The following ARHGEF26 variants were observed in gnomAD, a reference collection of about 807,000 sequenced individuals.
ARHGEF26 encodes the protein Rho guanine nucleotide exchange factor 26, also known as Rho guanine nucleotide exchange factor (GEF) 26.
In ARHGEF26, 59 loss-of-function variants were observed where a neutral mutation model predicts 89.4. The observed-to-expected ratio is 0.66, with a 90% CI of 0.54 to 0.82. ARHGEF26 has a LOEUF of 0.82. ARHGEF26 is among the 40% of genes least tolerant of loss of function. The pLI, the probability that ARHGEF26 is intolerant of heterozygous loss-of-function variation, is 0.00. For synonymous variants in ARHGEF26, 500 were observed against 428.4 expected, an observed-to-expected ratio of 1.17 and a Z score of -2.06; for missense variants, 1,234 against 1,085.6, an observed-to-expected ratio of 1.14 and a Z score of -1.92.
intron 9 of ARHGEF26, among the ~76,000 whole-genome samples, chr3:154,201,030 T>C (rs1172013973): frequency 1.3e-5 from 2 of 152,154 alleles, no homozygotes; most frequent in Non-Finnish European, 2.9e-5. Flanking sequence ...CTTTAAGTTT[T>C]AGGGTACATG....
chr3:154,161,180 CATAGT>C (rs1338098124), intron 6 of ARHGEF26, among the ~76,000 whole-genome samples: 2 of 151,228 alleles, frequency 1.3e-5, no homozygotes, highest in African/African-American at 2.4e-5. Flanking sequence ...TAGTGATTGG[CATAGT>C]ATAGGTTAAG....
chr3:154,128,483 C>T (rs1718470336), intron 3 of ARHGEF26, among the ~76,000 whole-genome samples: 2 of 152,150 alleles, frequency 1.3e-5, no homozygotes, highest in African/African-American at 2.4e-5. Context: ...AAGTGATCTG[C>T]CCATGTCAGC....
In ARHGEF26 at chr3:154,122,827, C is replaced by G. The variant is rs780886958; in HGVS notation, c.835C>G (p.Arg279Gly). Residue 279 changes from arginine (R) to glycine (G), a missense_variant, in exon 2 of 15, where the codon CGC becomes GGC. Transcript: ENST00000465093. ...VEPHKRLLKV[R>G]SMVEGLGGPL... is the part of the protein sequence containing the mutation. ...GCCCCACAAGAGACTCCTCAAGGTG[C>G]GCAGCATGGTGGAGGGCCTAGGAGG... The G allele has an allele frequency of 3.1e-6, 5 of 1,612,678 alleles. No homozygotes were observed. In the South Asian group the frequency reaches 4.4e-5, roughly 14 times the overall value.
chr3:154,236,214 G>C (rs533270793), intron 11 of ARHGEF26, among the ~76,000 whole-genome samples: 1 of 152,234 alleles, frequency 6.6e-6, no homozygotes, highest in Admixed American at 6.5e-5. Flanking sequence ...TCTACTAGTA[G>C]TTCTTTATTT....
chr3:154,140,694 C>T (rs780159853), intron 4 of ARHGEF26, among the ~76,000 whole-genome samples: 1 of 151,090 alleles, frequency 6.6e-6, no homozygotes, highest in Admixed American at 6.6e-5. Context: ...GATTCTTCTG[C>T]CTCAGCCTCC....
In ARHGEF26 at chr3:154,240,487, A is replaced by T. The variant is rs766033181; in HGVS notation, c.2208A>T (p.Ser736=). 6.2e-7 allele frequency: 1 copy of T among 1,613,362 alleles called. No homozygotes were observed. Among genetic ancestry groups the T allele is most frequent in the South Asian group, 1.1e-5 (1 of 90,920 alleles). The change falls in exon 12 of 15, where the codon TCA becomes TCT. Residue 736 remains serine, a synonymous_variant. Coordinates refer to ENST00000465093, the MANE Select transcript of ARHGEF26 (RefSeq NM_015595.4). ...AGAACAGCTCCACAATGCTCTATTC[A>T]AGACAGAGCTCTGCCAGTCACCTCT... ...PGKNSSTMLY[S]RQSSASHLFT...
At chr3:154,211,804 A>T (rs1715377010) in intron 9 of ARHGEF26, among the ~76,000 whole-genome samples, 2 of 152,208 alleles carry the variant, frequency 1.3e-5, no homozygotes, top group Non-Finnish European at 2.9e-5. Flanking sequence ...ATTAAGTTGC[A>T]GAACAATATA....
chr3:154,241,618 A>G (rs934945416), intron 12 of ARHGEF26, among the ~76,000 whole-genome samples: 1 of 152,252 alleles, frequency 6.6e-6, no homozygotes, highest in Non-Finnish European at 1.5e-5. Flanking sequence ...CGTAAGGACC[A>G]TTGCAGCAAC....
Position 154,164,490 on chromosome 3 carries a change from T to G in ARHGEF26, c.1487+11558T>G, listed in dbSNP as rs186504948. On this transcript the variant is annotated intron_variant, in intron 6 of 14. Transcript: ENST00000465093. ...GTTTCCTTTGGATTTCAAAAAGGTT[T>G]CGGGAAATGACTTGGACTTTGAAAA... Among the ~76,000 whole-genome samples, 5 of 152,190 alleles carry G rather than the reference T, an allele frequency of 3.3e-5. No homozygotes were observed. In the East Asian group the frequency reaches 9.7e-4, roughly 29 times the overall value.
intron 6 of ARHGEF26, among the ~76,000 whole-genome samples, chr3:154,156,699 G>A (rs1173739664): frequency 1.3e-5 from 2 of 152,162 alleles, no homozygotes; most frequent in African/African-American, 4.8e-5. Context: ...ATTTCATGAT[G>A]TAAGGCCTGC....
At chr3:154,216,453 T>G (rs1715727903) in intron 9 of ARHGEF26, among the ~76,000 whole-genome samples, 1 of 150,672 alleles carries the variant, frequency 6.6e-6, no homozygotes, top group Non-Finnish European at 1.5e-5. Flanking sequence ...TAGGCTCCCC[T>G]GCAAGACTTC....
chr3:154,240,993 C>T (rs1012151380), intron 12 of ARHGEF26, among the ~76,000 whole-genome samples: 5 of 152,314 alleles, frequency 3.3e-5, no homozygotes, highest in South Asian at 2.1e-4. Context: ...TACCTTCAAC[C>T]AGAGAGCAGA....
intron 9 of ARHGEF26, among the ~76,000 whole-genome samples, chr3:154,205,891 C>T (rs1371438806): frequency 1.3e-5 from 2 of 152,116 alleles, no homozygotes; most frequent in Non-Finnish European, 2.9e-5. Flanking sequence ...TAATCATTTA[C>T]TCTTCTACTT....
chr3:154,130,180 T>C (rs144154931), intron 4 of ARHGEF26, among the ~76,000 whole-genome samples: 1,153 of 108,542 alleles, frequency 0.011, 15 homozygotes, highest in African/African-American at 0.042. Flanking sequence ...GAGGTCTTGC[T>C]CTGTCGCCCA....
At chr3:154,161,528 G>A (rs1332852193) in intron 6 of ARHGEF26, among the ~76,000 whole-genome samples, 1 of 152,122 alleles carries the variant, frequency 6.6e-6, no homozygotes, top group Non-Finnish European at 1.5e-5. Flanking sequence ...TATCATCTAT[G>A]TCTGGTATTC....
intron 3 of ARHGEF26, among the ~76,000 whole-genome samples, chr3:154,125,336 G>T (rs1718264766): frequency 6.6e-6 from 1 of 152,124 alleles, no homozygotes; most frequent in East Asian, 1.9e-4. Context: ...ATTTATAAAT[G>T]ACTTATCTAT....
At chr3:154,121,389 C>A (rs1717891316), upstream of ARHGEF26, 1 of 151,058 alleles carries the variant, frequency 6.6e-6, no homozygotes, top group South Asian at 2.1e-4. Context: ...GGCGTGGGGG[C>A]GGGCCGGCGC....
intron 7 of ARHGEF26, among the ~76,000 whole-genome samples, chr3:154,189,625 C>G (rs752022150): frequency 6.6e-5 from 10 of 152,124 alleles, no homozygotes; most frequent in African/African-American, 9.7e-5. Flanking sequence ...GCGTAAGCCA[C>G]TGCGCCCAGC....
chr3:154,149,925 T>TTA (rs563930984), intron 5 of ARHGEF26, among the ~76,000 whole-genome samples: 83 of 139,560 alleles, frequency 5.9e-4, no homozygotes, highest in African/African-American at 2.1e-3. Context: ...GTTTATTTAG[T>TTA]AAAAAAAAAA....
Sources: allele counts gnomAD v4.1 joint callset (sites outside exome capture counted in the v4.1 genomes callset), GRCh38; gene constraint gnomAD v4.1.1; transcripts MANE v1.5; gene names NCBI Gene and HGNC (gene_info 2026-07-23, HGNC 2026-07-21).